The following LSM2 variants were observed in gnomAD, a reference collection of about 807,000 sequenced individuals.
LSM2 encodes LSM2 homolog, U6 small nuclear RNA and mRNA degradation associated.
LSM2 carries 12 observed loss-of-function variants against 17.0 expected under a neutral mutation model. The ratio of observed to expected loss-of-function variants is 0.70; its 90% CI spans 0.45 to 1.14. The LOEUF is 1.14. Among genes scored for constraint, LSM2 ranks in the 50% most tolerant of loss-of-function variants. The probability of loss-of-function intolerance (pLI) is 0.00; values close to 1 mark genes in which losing one functional copy is unlikely to be tolerated. For synonymous variants in LSM2, 42 were observed against 44.5 expected, an observed-to-expected ratio of 0.94 and a Z score of 0.22; for missense variants, 62 against 111.8, an observed-to-expected ratio of 0.55 and a Z score of 2.01.
At chr6:31,797,904 T>C (rs1318719290) in intron 4 of LSM2, 22 bp from the exon 5 acceptor site, 3 of 1,612,862 alleles carry the variant, frequency 1.9e-6, no homozygotes, top group Non-Finnish European at 2.5e-6. Flanking sequence ...TGGACAAATA[T>C]GAAAACACCC....
intron 2 of LSM2, among the ~76,000 whole-genome samples, chr6:31,801,033 G>A (rs1814667896): frequency 1.3e-5 from 2 of 151,598 alleles, no homozygotes; most frequent in African/African-American, 4.8e-5. Context: ...AATTAGCTGT[G>A]TGTGGTGCAT....
intron 2 of LSM2, among the ~76,000 whole-genome samples, chr6:31,801,689 G>T (rs907236457): frequency 6.6e-6 from 1 of 151,902 alleles, no homozygotes; most frequent in Non-Finnish European, 1.5e-5. Flanking sequence ...CCAGCTATTC[G>T]GGAGGCTGAG....
chr6:31,806,393 G>A, intron 1 of LSM2: 1 of 601,202 alleles, frequency 1.7e-6, no homozygotes, highest in South Asian at 2.0e-5. Context: ...CCTCCCCACT[G>A]TGCTCTCTCA....
At chr6:31,805,955 C>A in intron 2 of LSM2, 120 bp downstream of exon 2, 1 of 836,926 alleles carries the variant, frequency 1.2e-6, no homozygotes, top group Non-Finnish European at 1.9e-6. Flanking sequence ...TGCACCCTAT[C>A]CATTTATTTC....
chr6:31,799,989 G>A (rs1814603050), intron 2 of LSM2, among the ~76,000 whole-genome samples: 2 of 152,150 alleles, frequency 1.3e-5, no homozygotes, highest in Admixed American at 1.3e-4. Context: ...AAGCCAGCTG[G>A]AGAACAGCCC....
intron 1 of LSM2, 54 bp from the exon 2 acceptor site, chr6:31,806,196 A>C (rs746982579): frequency 4.5e-6 from 7 of 1,547,894 alleles, no homozygotes; most frequent in African/African-American, 1.4e-5. Flanking sequence ...GGTAGGGAGG[A>C]GTGTCCTTTG....
In LSM2 at chr6:31,797,787, T is replaced by C. The variant is rs776648487; in HGVS notation, c.258A>G (p.Ala86=). ...EVDTQLLQDA[A]RKEALQQKQ ...GTTTCTGCTGCAGGGCTTCCTTCCTTGCCGCATCCTGTAGCAACTGTGTGT... is the reference window on the plus strand; with the variant it reads ...GTTTCTGCTGCAGGGCTTCCTTCCTCGCCGCATCCTGTAGCAACTGTGTGT... The change falls in exon 5 of 5, where the codon GCA becomes GCG. Residue 86 remains alanine (A), a synonymous_variant. Coordinates refer to ENST00000375661, the MANE Select transcript of LSM2 (RefSeq NM_021177.5). The C allele has an allele frequency of 4.3e-6, 7 of 1,612,912 alleles. No homozygotes were observed. In the East Asian group the frequency reaches 1.6e-4, roughly 36 times the overall value.
At chr6:31,804,763 CTTTTTTTTTTTTT>C (rs9279424) in intron 2 of LSM2, among the ~76,000 whole-genome samples, 1 of 104,908 alleles carries the variant, frequency 9.5e-6, no homozygotes, top group Non-Finnish European at 2.0e-5. Flanking sequence ...TCTTTTTTTT[CTTTTTTTTTTTTT>C]TTTTTTTTGA....
chr6:31,804,763 CTTTTTTTTTTTTTTT>C (rs9279424), intron 2 of LSM2, among the ~76,000 whole-genome samples: 1 of 104,908 alleles, frequency 9.5e-6, no homozygotes, highest in Non-Finnish European at 2.0e-5. Flanking sequence ...TCTTTTTTTT[CTTTTTTTTTTTTTTT>C]TTTTTTGAGA....
intron 2 of LSM2, among the ~76,000 whole-genome samples, chr6:31,801,514 G>A (rs1266341217): frequency 6.6e-6 from 1 of 152,158 alleles, no homozygotes; most frequent in Admixed American, 6.5e-5. Flanking sequence ...AGAACTTTTG[G>A]CCAGGCGTGG....
chr6:31,806,067 G>A lies in LSM2; in HGVS notation c.71+8C>T, dbSNP rs375883236. ...ACCCCCAACAGACTTGTTGGAACAGGTACCTACCTCAGGTCATTCTTTAGT... is the reference window on the plus strand; with the variant it reads ...ACCCCCAACAGACTTGTTGGAACAGATACCTACCTCAGGTCATTCTTTAGT... On this transcript the variant is annotated splice_region_variant and intron_variant, in intron 2 of 4. Coordinates refer to ENST00000375661, the MANE Select transcript of LSM2 (RefSeq NM_021177.5). The A allele has an allele frequency of 1.2e-6, 2 of 1,612,586 alleles. No homozygotes were observed. Among genetic ancestry groups the A allele is most frequent in the African/African-American group, 1.3e-5 (1 of 74,992 alleles).
At position 31,806,905 on chromosome 6, in the gene LSM2, T is replaced by A. The variant is rs1815082125; in HGVS notation, c.-148A>T. On this transcript the variant is annotated 5_prime_UTR_variant, in exon 1 of 5. Transcript: ENST00000375661. ...AAGCGACGCAGAAAGCTCCAAGCGC[T>A]GACGGGCAAAGCGCGGCCGACTTGC... 1.8e-6 allele frequency: 2 copies of A among 1,116,894 alleles called. No individual in the cohort carries two copies. The highest frequency in any genetic ancestry group is 1.7e-5 in the African/African-American group (1 of 60,572). 69.2% of individuals were successfully genotyped at this position (1,116,894 alleles called of 1,614,324 possible).
At chr6:31,799,447 C>T (rs1469615430) in intron 2 of LSM2, among the ~76,000 whole-genome samples, 1 of 152,144 alleles carries the variant, frequency 6.6e-6, no homozygotes, top group Non-Finnish European at 1.5e-5. Context: ...AGCTCCATCT[C>T]CCAGGTTCAC....
At position 31,806,072 on chromosome 6, in the gene LSM2, T is replaced by C. The variant is rs762434930; in HGVS notation, c.71+3A>G. 16 of 1,612,556 alleles carry C rather than the reference T, an allele frequency of 9.9e-6. 1 individual carries two copies. In the South Asian group the frequency reaches 1.6e-4, roughly 17 times the overall value. ...CAACAGACTTGTTGGAACAGGTACC[T>C]ACCTCAGGTCATTCTTTAGTTCCAC... On this transcript the variant is annotated splice_donor_region_variant and intron_variant, in intron 2 of 4. Coordinates refer to ENST00000375661, the MANE Select transcript of LSM2 (RefSeq NM_021177.5).
chr6:31,799,067 A>G (rs67497292), intron 2 of LSM2, among the ~76,000 whole-genome samples: 8,969 of 152,074 alleles, frequency 0.059, 360 homozygotes, highest in African/African-American at 0.096. Flanking sequence ...CTACCATTAA[A>G]CAACTGGTAA....
At chr6:31,805,993 C>T in intron 2 of LSM2, 82 bp downstream of exon 2, 4 of 1,255,522 alleles carry the variant, frequency 3.2e-6, no homozygotes, top group Non-Finnish European at 4.6e-6. Context: ...CTCGCCTAGC[C>T]CTGAAATATT....
intron 3 of LSM2, 125 bp downstream of exon 3, chr6:31,798,352 G>A (rs1257520145): frequency 1.7e-5 from 20 of 1,154,672 alleles, no homozygotes; most frequent in South Asian, 2.7e-5. Flanking sequence ...GATTACAGGC[G>A]TGAGCCACCG....
intron 2 of LSM2, among the ~76,000 whole-genome samples, chr6:31,805,451 G>A (rs1814975264): frequency 6.7e-6 from 1 of 149,396 alleles, no homozygotes; most frequent in African/African-American, 2.5e-5. Flanking sequence ...TGCAACCTCT[G>A]CCGCCCAGGT....
At chr6:31,799,994 C>T (rs984183440) in intron 2 of LSM2, among the ~76,000 whole-genome samples, 3 of 152,148 alleles carry the variant, frequency 2.0e-5, no homozygotes, top group African/African-American at 7.2e-5. Context: ...AGCTGGAGAA[C>T]AGCCCAGACA....
Sources: gnomAD v4.1 joint callset for allele counts (sites outside exome capture counted in the v4.1 genomes callset) on GRCh38, gnomAD v4.1.1 for gene constraint, MANE v1.5 for transcripts, NCBI Gene and HGNC (gene_info 2026-07-23, HGNC 2026-07-21) for gene names.